EML1: variants seen among roughly 807,000 people sequenced by gnomAD.
EML1 encodes echinoderm microtubule-associated protein-like 1.
In EML1, 27 loss-of-function variants were observed where a neutral mutation model predicts 110.4. The observed-to-expected ratio is 0.24, with a 90% CI of 0.18 to 0.34. The LOEUF is 0.34. Among genes scored for constraint, EML1 ranks in the 10% least tolerant of loss-of-function variants. The pLI, the probability that EML1 is intolerant of heterozygous loss-of-function variation, is 1.00. For synonymous variants in EML1, 344 were observed against 385.8 expected, an observed-to-expected ratio of 0.89 and a Z score of 1.27; for missense variants, 741 against 1,030.9, an observed-to-expected ratio of 0.72 and a Z score of 3.85.
chr14:99,824,334 T>C (rs1266749457), intron 1 of EML1, among the ~76,000 whole-genome samples: 1 of 152,170 alleles, frequency 6.6e-6, no homozygotes, highest in Admixed American at 6.5e-5. Context: ...CTGTGTCTTA[T>C]TTATTTATTT....
intron 9 of EML1, among the ~76,000 whole-genome samples, chr14:99,901,258 C>T (rs2059758861): frequency 6.6e-6 from 1 of 152,190 alleles, no homozygotes; most frequent in South Asian, 2.1e-4. Flanking sequence ...TCTCCAGCCA[C>T]ATGGGTTTGG....
intron 1 of EML1, among the ~76,000 whole-genome samples, chr14:99,797,290 T>C (rs1455733607): frequency 6.6e-6 from 1 of 152,254 alleles, no homozygotes; most frequent in Non-Finnish European, 1.5e-5. Flanking sequence ...CATTCCTTTT[T>C]ATGGCCAAAT....
At chr14:99,839,114 A>G (rs1824472663) in intron 1 of EML1, 2 of 152,092 alleles carry the variant, frequency 1.3e-5, no homozygotes, top group Admixed American at 6.5e-5. Context: ...GAGAATTTCA[A>G]TGGCCAGTCT....
intron 4 of EML1, among the ~76,000 whole-genome samples, chr14:99,888,433 A>T (rs1595437423): frequency 6.6e-6 from 1 of 152,086 alleles, no homozygotes; most frequent in South Asian, 2.1e-4. Flanking sequence ...AAGTCATGAT[A>T]AAAAAATAGT....
In EML1 at chr14:99,786,579, G is replaced by T. The variant is rs151205670; in HGVS notation, c.-27+12566G>T. ...TGTTGATGGGGCAGCTCCTACCCTG[G>T]CGGGCAGGGGAGGCGGACACTGAGG... On this transcript the variant is annotated intron_variant, in intron 1 of 22. Coordinates refer to the EML1 transcript ENST00000327921. Among the ~76,000 whole-genome samples, 39 of 152,318 alleles carry T rather than the reference G, an allele frequency of 2.6e-4. No homozygotes were observed. In the East Asian group the frequency reaches 6.9e-3, roughly 27 times the overall value.
chr14:99,852,010 C>T (rs1279658137), intron 2 of EML1, among the ~76,000 whole-genome samples: 2 of 152,176 alleles, frequency 1.3e-5, no homozygotes, highest in African/African-American at 2.4e-5. Flanking sequence ...TTTAAGTCAT[C>T]ATTTCATGTC....
intron 3 of EML1, among the ~76,000 whole-genome samples, chr14:99,871,246 C>T (rs564675455): frequency 3.9e-5 from 6 of 152,266 alleles, no homozygotes; most frequent in South Asian, 4.1e-4. Context: ...CGTGAGCCAC[C>T]GCACCTGGCA....
At chr14:99,892,622 G>A (rs577300075) in intron 5 of EML1, among the ~76,000 whole-genome samples, 1 of 152,292 alleles carries the variant, frequency 6.6e-6, no homozygotes, top group East Asian at 1.9e-4. Context: ...GATGTAGCCT[G>A]TCTGAATCAC....
At chr14:99,809,758 A>G (rs1468701618) in intron 1 of EML1, 1 of 455,604 alleles carries the variant, frequency 2.2e-6, no homozygotes, top group Non-Finnish European at 4.4e-6. Context: ...TCTGAATTGA[A>G]ACATGTGGCT....
intron 1 of EML1, among the ~76,000 whole-genome samples, chr14:99,805,171 G>A (rs1318254379): frequency 1.3e-5 from 2 of 152,176 alleles, no homozygotes; most frequent in Non-Finnish European, 2.9e-5. Flanking sequence ...CGTGTCTCAG[G>A]GCATAGCCAG....
chr14:99,831,416 C>T (rs977801833), intron 1 of EML1, among the ~76,000 whole-genome samples: 3 of 152,188 alleles, frequency 2.0e-5, no homozygotes, highest in Non-Finnish European at 4.4e-5. Context: ...TTCCCCCCAT[C>T]GTTGGGCCCA....
chr14:99,923,927 T>A (rs1331471289), intron 17 of EML1, among the ~76,000 whole-genome samples: 1 of 152,208 alleles, frequency 6.6e-6, no homozygotes, highest in Non-Finnish European at 1.5e-5. Flanking sequence ...GTGTTGGGAT[T>A]ACAGGTGTGA....
At chr14:99,933,409 C>T (rs1473634274) in intron 17 of EML1, among the ~76,000 whole-genome samples, 2 of 152,198 alleles carry the variant, frequency 1.3e-5, no homozygotes, top group Non-Finnish European at 1.5e-5. Context: ...CTCCTGATCT[C>T]AGGTGATCTG....
At chr14:99,795,079 C>T (rs1263214030) in intron 1 of EML1, among the ~76,000 whole-genome samples, 8 of 152,174 alleles carry the variant, frequency 5.3e-5, no homozygotes, top group Non-Finnish European at 1.0e-4. Context: ...GACTTTGAGG[C>T]ATCAGGTCTT....
At chr14:99,841,105 C>T (rs1268292676) in intron 1 of EML1, among the ~76,000 whole-genome samples, 1 of 152,184 alleles carries the variant, frequency 6.6e-6, no homozygotes, top group African/African-American at 2.4e-5. Flanking sequence ...AACACTTGGC[C>T]TGTCCTTTTG....
At chr14:99,933,083 G>A (rs61986041) in intron 17 of EML1, among the ~76,000 whole-genome samples, 41,637 of 152,042 alleles carry the variant, frequency 0.27, 5,864 homozygotes, top group East Asian at 0.39. Flanking sequence ...CTTCAGCCTG[G>A]GTGACACAGC....
chr14:99,812,583 TCTTCA>T (rs1435673367), intron 1 of EML1, among the ~76,000 whole-genome samples: 1 of 151,650 alleles, frequency 6.6e-6, no homozygotes, highest in Non-Finnish European at 1.5e-5. Context: ...TACAATCGGC[TCTTCA>T]CTTTGCCTGG....
chr14:99,910,674 T>G (rs2059931113), intron 12 of EML1, among the ~76,000 whole-genome samples: 1 of 152,230 alleles, frequency 6.6e-6, no homozygotes, highest in African/African-American at 2.4e-5. Context: ...GTAAAATATT[T>G]AAGTTACTAT....
upstream of EML1, among the ~76,000 whole-genome samples, chr14:99,768,122 C>T (rs794): frequency 0.28 from 43,139 of 151,992 alleles, 8,082 homozygotes; most frequent in African/African-American, 0.53. Flanking sequence ...AGATGGGGCA[C>T]GGAGAAGTGA....
Sources: allele counts gnomAD v4.1 joint callset (sites outside exome capture counted in the v4.1 genomes callset), GRCh38; gene constraint gnomAD v4.1.1; transcripts MANE v1.5; gene names NCBI Gene and HGNC (gene_info 2026-07-23, HGNC 2026-07-21).